The following BBX variants were observed in gnomAD, a reference collection of about 807,000 sequenced individuals.
BBX encodes the protein HMG box transcription factor BBX.
Under a neutral mutation model 100.2 loss-of-function variants are expected in BBX, and 30 were observed. The observed-to-expected ratio is 0.30, with a 90% confidence interval of 0.22 to 0.41. The LOEUF is 0.41. Among genes scored for constraint, BBX ranks in the 10% least tolerant of loss-of-function variants. The pLI is 1.00. For missense variants in BBX, 1,023 were observed against 1,129.8 expected (o/e 0.91, Z 1.35); for synonymous variants, 376 against 388.1 (o/e 0.97, Z 0.37).
At chr3:107,727,325 G>A (rs569248008) in intron 5 of BBX, among the ~76,000 whole-genome samples, 4 of 152,178 alleles carry the variant, frequency 2.6e-5, no homozygotes, top group African/African-American at 9.6e-5. Context: ...AGCAGGCAAA[G>A]CTATTTGTCT....
At chr3:107,735,359 A>G (rs535483074) in intron 7 of BBX, among the ~76,000 whole-genome samples, 31 of 152,250 alleles carry the variant, frequency 2.0e-4, no homozygotes, top group African/African-American at 7.2e-4. Context: ...GAAATTTCAT[A>G]TTTCTGACAT....
At chr3:107,677,721 A>G (rs1237365992) in intron 3 of BBX, among the ~76,000 whole-genome samples, 15 of 152,190 alleles carry the variant, frequency 9.9e-5, no homozygotes, top group Non-Finnish European at 2.9e-5. Context: ...TATTAAAGAC[A>G]TTTTCCACTA....
intron 7 of BBX, among the ~76,000 whole-genome samples, chr3:107,738,459 C>T (rs1306772487): frequency 6.6e-6 from 1 of 152,102 alleles, no homozygotes; most frequent in Non-Finnish European, 1.5e-5. Flanking sequence ...TAAGTGTATT[C>T]CGTAAGACTA....
intron 2 of BBX, among the ~76,000 whole-genome samples, chr3:107,611,079 C>G (rs1433213260): frequency 6.6e-6 from 1 of 152,028 alleles, no homozygotes; most frequent in Non-Finnish European, 1.5e-5. Flanking sequence ...AAACTGATAA[C>G]TTAACACTGC....
At chr3:107,531,644 C>T (rs186232633) in intron 2 of BBX, among the ~76,000 whole-genome samples, 157 of 151,698 alleles carry the variant, frequency 1.0e-3, no homozygotes, top group African/African-American at 3.5e-3. Flanking sequence ...TTTAACTAGA[C>T]ATGAGGTGCT....
At chr3:107,712,065 CAG>C (rs2061759809) in intron 4 of BBX, among the ~76,000 whole-genome samples, 1 of 152,058 alleles carries the variant, frequency 6.6e-6, no homozygotes, top group African/African-American at 2.4e-5. Context: ...TTTGTAAAGA[CAG>C]AGTCTGACTA....
chr3:107,541,680 A>AT (rs2048876985), intron 2 of BBX, among the ~76,000 whole-genome samples: 2 of 152,172 alleles, frequency 1.3e-5, no homozygotes, highest in African/African-American at 4.8e-5. Context: ...CATGAGACAT[A>AT]TTTCTGAAGT....
intron 2 of BBX, among the ~76,000 whole-genome samples, chr3:107,538,570 A>C (rs1286563046): frequency 2.6e-5 from 4 of 152,158 alleles, no homozygotes; most frequent in African/African-American, 9.6e-5. Flanking sequence ...AGTTTTTCAA[A>C]TAGAACTATA....
At chr3:107,685,813 G>A (rs1424681152) in intron 3 of BBX, among the ~76,000 whole-genome samples, 2 of 152,172 alleles carry the variant, frequency 1.3e-5, no homozygotes, top group African/African-American at 4.8e-5. Context: ...GTAACCACAA[G>A]GTTTTTTGTT....
intron 3 of BBX, among the ~76,000 whole-genome samples, chr3:107,688,190 T>C (rs1168473904): frequency 6.6e-6 from 1 of 152,250 alleles, no homozygotes; most frequent in Non-Finnish European, 1.5e-5. Context: ...TACTTTCCTA[T>C]AAAGGCCCAG....
chr3:107,695,435 G>T (rs930925212), intron 3 of BBX, among the ~76,000 whole-genome samples: 4 of 137,294 alleles, frequency 2.9e-5, no homozygotes, highest in Admixed American at 1.5e-4. Flanking sequence ...CTTTATTTCT[G>T]CCTTCATTTC....
intron 5 of BBX, among the ~76,000 whole-genome samples, chr3:107,722,512 G>A (rs767412585): frequency 2.0e-5 from 3 of 151,608 alleles, no homozygotes; most frequent in Non-Finnish European, 4.4e-5. Flanking sequence ...AATAATTTTC[G>A]CCCTTATAGC....
chr3:107,604,152 A>G (rs1463799346), intron 2 of BBX, among the ~76,000 whole-genome samples: 1 of 152,128 alleles, frequency 6.6e-6, no homozygotes, highest in Admixed American at 6.6e-5. Flanking sequence ...GGGCCTGGGC[A>G]TTGATAGTTT....
intron 7 of BBX, among the ~76,000 whole-genome samples, chr3:107,741,166 G>T (rs533146478): frequency 2.0e-5 from 3 of 152,024 alleles, no homozygotes; most frequent in Admixed American, 1.3e-4. Flanking sequence ...GCAGTGCATG[G>T]TTGTGGTCCT....
intron 6 of BBX, among the ~76,000 whole-genome samples, chr3:107,729,370 C>T (rs545046832): frequency 6.6e-6 from 1 of 152,232 alleles, no homozygotes; most frequent in Admixed American, 6.5e-5. Flanking sequence ...GTGTTGGAAA[C>T]ATTGAGGGCA....
intron 3 of BBX, among the ~76,000 whole-genome samples, chr3:107,673,801 A>G (rs2059143834): frequency 6.6e-6 from 1 of 151,408 alleles, no homozygotes; most frequent in Non-Finnish European, 1.5e-5. Flanking sequence ...TTTTTAAAAT[A>G]AAGAAGCCCA....
chr3:107,693,390 G>C (rs2108100194), intron 3 of BBX, among the ~76,000 whole-genome samples: 1 of 151,718 alleles, frequency 6.6e-6, no homozygotes, highest in Non-Finnish European at 1.5e-5. Context: ...GTGTAAGGAA[G>C]GGATCCAGTT....
At chr3:107,633,447 C>G (rs1406041139) in intron 2 of BBX, among the ~76,000 whole-genome samples, 2 of 151,994 alleles carry the variant, frequency 1.3e-5, no homozygotes, top group African/African-American at 4.8e-5. Context: ...TGCATATAAC[C>G]TGAACTTTTG....
chr3:107,762,412 C>A (rs1018963406), intron 10 of BBX, among the ~76,000 whole-genome samples: 1 of 152,192 alleles, frequency 6.6e-6, no homozygotes, highest in Non-Finnish European at 1.5e-5. Context: ...GTTCTGTGAC[C>A]AGTTATCTCT....
Sources: gnomAD v4.1 joint callset for allele counts (sites outside exome capture counted in the v4.1 genomes callset) on GRCh38, gnomAD v4.1.1 for gene constraint, MANE v1.5 for transcripts, NCBI Gene and HGNC (gene_info 2026-07-23, HGNC 2026-07-21) for gene names.